SGCD: variants seen among roughly 807,000 people sequenced by gnomAD.
SGCD encodes delta-sarcoglycan.
In SGCD, 18 loss-of-function variants were observed where a neutral mutation model predicts 36.6. The observed-to-expected ratio is 0.49, with a 90% CI of 0.34 to 0.73. SGCD has a LOEUF of 0.73. Ranked by LOEUF, SGCD falls within the 30% of genes least tolerant of loss-of-function variation. The pLI is 0.01. For synonymous variants in SGCD, 133 were observed against 130.6 expected (o/e 1.02, Z -0.12); for missense variants, 387 against 346.7 (o/e 1.12, Z -0.92).
intron 4 of SGCD, among the ~76,000 whole-genome samples, chr5:156,522,133 A>G (rs1384803005): frequency 1.3e-5 from 2 of 152,232 alleles, no homozygotes; most frequent in African/African-American, 4.8e-5. Context: ...CTTGTGTGGG[A>G]ATTGAACAAT....
the SGCD span, among the ~76,000 whole-genome samples, chr5:155,773,120 C>A: frequency 6.6e-6 from 1 of 152,126 alleles, no homozygotes; most frequent in Non-Finnish European, 1.5e-5. Context: ...GTAGATAAGG[C>A]ACCGGAGCTA....
chr5:156,296,778 T>C (rs1054353187), intron 3 of SGCD, among the ~76,000 whole-genome samples: 5 of 152,166 alleles, frequency 3.3e-5, no homozygotes, highest in Non-Finnish European at 7.4e-5. Flanking sequence ...ATCTAGTTAG[T>C]TTACTGTGAT....
At chr5:156,289,074 T>C (rs1227099438) in intron 3 of SGCD, among the ~76,000 whole-genome samples, 1 of 152,096 alleles carries the variant, frequency 6.6e-6, no homozygotes, top group African/African-American at 2.4e-5. Flanking sequence ...TTTTCCTAAA[T>C]GTGTTCTACA....
intron 3 of SGCD, among the ~76,000 whole-genome samples, chr5:156,268,937 T>A (rs1003653352): frequency 6.6e-6 from 1 of 152,164 alleles, no homozygotes; most frequent in African/African-American, 2.4e-5. Context: ...AGCTTTTTTT[T>A]TCGTATGTAT....
chr5:155,969,588 G>A (rs1336871888), intron 1 of SGCD, among the ~76,000 whole-genome samples: 1 of 152,114 alleles, frequency 6.6e-6, no homozygotes, highest in African/African-American at 2.4e-5. Flanking sequence ...AGAATAACAC[G>A]CAGAATATTT....
At chr5:156,755,940 T>C (rs1315719415) in intron 7 of SGCD, among the ~76,000 whole-genome samples, 1 of 152,154 alleles carries the variant, frequency 6.6e-6, no homozygotes, top group African/African-American at 2.4e-5. Context: ...ATTTGTGCAA[T>C]GTGGCTGGGG....
chr5:156,687,715 A>G (rs920144056), intron 7 of SGCD, among the ~76,000 whole-genome samples: 7 of 152,302 alleles, frequency 4.6e-5, no homozygotes, highest in Non-Finnish European at 8.8e-5. Flanking sequence ...TTTGCTGACA[A>G]GCTGTGCTGA....
chr5:156,161,354 G>A (rs1835925), intron 3 of SGCD, among the ~76,000 whole-genome samples: 109,952 of 151,578 alleles, frequency 0.73, 41,009 homozygotes, highest in East Asian at 0.95. Flanking sequence ...CTCATTGACA[G>A]GTTAGTTCCT....
chr5:156,379,347 A>G (rs764139620), intron 3 of SGCD, among the ~76,000 whole-genome samples: 86 of 152,202 alleles, frequency 5.7e-4, no homozygotes, highest in Admixed American at 9.8e-4. Context: ...AATATCTGCA[A>G]TAAGTAGAGG....
In SGCD at chr5:155,989,635, C is replaced by T. The variant is rs566960498; in HGVS notation, c.-282+119211C>T. On this transcript the variant is annotated intron_variant, in intron 1 of 9. Transcript: ENST00000517913. ...ACTGCTATTATTGGAATAATAGCACCGAATTCAAAAGCAATGAAATTTATT... is the reference window on the plus strand; with the variant it reads ...ACTGCTATTATTGGAATAATAGCACTGAATTCAAAAGCAATGAAATTTATT... Among the ~76,000 whole-genome samples the T allele has an allele frequency of 1.1e-4, 17 of 151,886 alleles. No individual in the cohort carries two copies. In the South Asian group the frequency reaches 1.7e-3, roughly 15 times the overall value.
the SGCD span, among the ~76,000 whole-genome samples, chr5:155,751,740 A>G: frequency 6.6e-6 from 1 of 152,052 alleles, no homozygotes; most frequent in Admixed American, 6.6e-5. Context: ...AGAAAAACAC[A>G]CACATTATTT....
the SGCD span, among the ~76,000 whole-genome samples, chr5:155,848,435 T>C: frequency 6.6e-6 from 1 of 152,124 alleles, no homozygotes; most frequent in Non-Finnish European, 1.5e-5. Context: ...AGAAAAAGCA[T>C]TGGTTATGAT....
intron 3 of SGCD, among the ~76,000 whole-genome samples, chr5:156,246,708 CT>C (rs1419557614): frequency 6.6e-6 from 1 of 152,038 alleles, no homozygotes; most frequent in Admixed American, 6.5e-5. Context: ...TAAAAAATGT[CT>C]TTTTTTGTGC....
At chr5:155,753,918 C>T in the SGCD span, among the ~76,000 whole-genome samples, 6 of 151,962 alleles carry the variant, frequency 3.9e-5, no homozygotes, top group Admixed American at 6.6e-5. Context: ...TTTCAATTGA[C>T]GTGTTTTTAG....
chr5:155,766,888 G>A, the SGCD span, among the ~76,000 whole-genome samples: 1 of 152,098 alleles, frequency 6.6e-6, no homozygotes, highest in Non-Finnish European at 1.5e-5. Flanking sequence ...CAGAGTCGAT[G>A]CTCTTAGTGG....
At chr5:156,698,742 T>C (rs1002025183) in intron 7 of SGCD, among the ~76,000 whole-genome samples, 1 of 152,038 alleles carries the variant, frequency 6.6e-6, no homozygotes, top group Non-Finnish European at 1.5e-5. Flanking sequence ...TTGTGTGTCC[T>C]TGGGCAAGGT....
intron 7 of SGCD, among the ~76,000 whole-genome samples, chr5:156,756,226 G>T (rs1471517347): frequency 6.6e-6 from 1 of 152,162 alleles, no homozygotes; most frequent in African/African-American, 2.4e-5. Context: ...CAGAGAGGAG[G>T]ATCTTCATAC....
chr5:156,351,210 G>A (rs1020694959), intron 3 of SGCD, among the ~76,000 whole-genome samples: 1 of 152,126 alleles, frequency 6.6e-6, no homozygotes, highest in Non-Finnish European at 1.5e-5. Context: ...TTGTCCATTT[G>A]ATGTGTTAAC....
At chr5:156,613,468 C>T (rs562724773) in intron 6 of SGCD, among the ~76,000 whole-genome samples, 98 of 152,328 alleles carry the variant, frequency 6.4e-4, no homozygotes, top group Non-Finnish European at 1.2e-3. Context: ...GTGAGTAAGG[C>T]TGGTCTCACT....
Sources: gnomAD v4.1 joint callset for allele counts (sites outside exome capture counted in the v4.1 genomes callset) on GRCh38, gnomAD v4.1.1 for gene constraint, MANE v1.5 for transcripts, NCBI Gene and HGNC (gene_info 2026-07-23, HGNC 2026-07-21) for gene names.